The following FAM83G variants were observed in gnomAD, a reference collection of about 807,000 sequenced individuals.
The protein encoded by FAM83G is scaffolding CK1 anchoring protein G, also known as protein FAM83G.
Under a neutral mutation model 61.5 loss-of-function variants are expected in FAM83G, and 38 were observed. The observed-to-expected ratio is 0.62, with a 90% CI of 0.48 to 0.81. The LOEUF (loss-of-function observed/expected upper bound fraction) is 0.81. Ranked by LOEUF, FAM83G falls within the 30% of genes least tolerant of loss-of-function variation. FAM83G has a pLI of 0.00. For synonymous variants in FAM83G, 470 were observed against 476.1 expected (o/e 0.99, Z 0.17); for missense variants, 989 against 1,133.6 (o/e 0.87, Z 1.83).
In FAM83G at chr17:18,969,361, C is replaced by G. The variant is rs2042781144; in HGVS notation, c.*1998G>C. 6.2e-7 allele frequency: 1 copy of G among 1,613,640 alleles called. No individual in the cohort carries two copies. Among genetic ancestry groups the G allele is most frequent in the Non-Finnish European group, 8.5e-7 (1 of 1,180,016 alleles). On this transcript the variant is annotated 3_prime_UTR_variant, in exon 6 of 6. Coordinates refer to ENST00000388995, the MANE Select transcript of FAM83G (RefSeq NM_001039999.3). ...TGGCAGGGGGCCTGGCTGCTGTAAT[C>G]TACACGGACGCCCTGCAGACGCTCA...
In FAM83G at chr17:19,004,084, A is replaced by AGGTCCAGCTCCTAGCTCC. The variant is rs1422300680; in HGVS notation, c.-61_-44dup. The AGGTCCAGCTCCTAGCTCC allele has an allele frequency of 1.3e-6, 2 of 1,547,268 alleles. No individual in the cohort carries two copies. The highest frequency in any genetic ancestry group is 3.8e-5 in the Admixed American group (2 of 52,504). On this transcript the variant is annotated 5_prime_UTR_variant, in exon 2 of 6. Transcript: ENST00000388995. The surrounding 1 kb of genome is among the most constrained non-coding windows in gnomAD (Gnocchi z 5.4). Reference sequence around the variant, plus strand: ...CACTGCTGCCGGGGGTGGGTGGGCAAGGTCCAGCTCCTAGCTCCGGCCCAG... The same window carrying AGGTCCAGCTCCTAGCTCC: ...CACTGCTGCCGGGGGTGGGTGGGCAAGGTCCAGCTCCTAGCTCCGGTCCAGCTCCTAGCTCCGGCCCAG...
chr17:18,974,194 T>G (rs1223384921), intron 5 of FAM83G, among the ~76,000 whole-genome samples: 1 of 151,974 alleles, frequency 6.6e-6, no homozygotes, highest in African/African-American at 2.4e-5. Flanking sequence ...CCCAGCCAAT[T>G]TTTGTATTTT....
Position 18,971,378 on chromosome 17 carries a change from CG to C in FAM83G, c.2452del (p.Arg818GlyfsTer64), listed in dbSNP as rs759298716. 6.2e-7 allele frequency: 1 copy of C among 1,600,136 alleles called. No individual in the cohort carries two copies. Among genetic ancestry groups the C allele is most frequent in the Non-Finnish European group, 8.5e-7 (1 of 1,175,418 alleles). ...ATGCTGCTAGGGGTCTTTGCGGTCC[CG>C]GGGGGCTTGAGCCCTCCGTTTAGAA... ...SDSKRRAQAP[R>X]DRKDP On this transcript the variant is annotated frameshift_variant, in exon 6 of 6. Coordinates refer to ENST00000388995, the MANE Select transcript of FAM83G (RefSeq NM_001039999.3). LOFTEE classifies it high-confidence loss of function. The surrounding 1 kb of genome is among the most constrained non-coding windows in gnomAD (Gnocchi z 5.5).
At chr17:18,973,987 G>C (rs951593477) in intron 5 of FAM83G, among the ~76,000 whole-genome samples, 1 of 151,238 alleles carries the variant, frequency 6.6e-6, no homozygotes, top group Non-Finnish European at 1.5e-5. Context: ...CCGCCTCCTG[G>C]GTTTGAGCAA....
chr17:18,993,928 A>G (rs2043496696), intron 2 of FAM83G, among the ~76,000 whole-genome samples: 2 of 152,132 alleles, frequency 1.3e-5, no homozygotes, highest in African/African-American at 2.4e-5. Flanking sequence ...CTAGCAGGGG[A>G]TCCACAAACG....
At chr17:18,983,255 T>C (rs2043183669) in intron 3 of FAM83G, among the ~76,000 whole-genome samples, 1 of 152,172 alleles carries the variant, frequency 6.6e-6, no homozygotes, top group South Asian at 2.1e-4. Context: ...TCTCCTTTAA[T>C]TTCACCCTCA....
At chr17:18,983,755 G>A (rs1462769376) in intron 3 of FAM83G, among the ~76,000 whole-genome samples, 1 of 152,182 alleles carries the variant, frequency 6.6e-6, no homozygotes, top group Non-Finnish European at 1.5e-5. Flanking sequence ...AGGCTGTTGT[G>A]AAGTTGGGGT....
rs777562534 is a variant in FAM83G at position 19,004,044 on chromosome 17, C to G, written c.-3G>C. On this transcript the variant is annotated 5_prime_UTR_variant, in exon 2 of 6. Transcript: ENST00000388995. The surrounding 1 kb of genome is among the most constrained non-coding windows in gnomAD (Gnocchi z 5.4). ...CACTGCACCTGAGAGAAGGCCATGG[C>G]GCCGCCTGCCCGGGCACTGCTGCCG... 6.3e-7 allele frequency: 1 copy of G among 1,578,632 alleles called. No homozygotes were observed. Among genetic ancestry groups the G allele is most frequent in the South Asian group, 1.2e-5 (1 of 86,640 alleles).
Position 18,996,618 on chromosome 17 carries a change from G to A in FAM83G, c.522+6902C>T, listed in dbSNP as rs948183466. Reference sequence around the variant, plus strand: ...TACTTGGTAACAAATGCTGACCCCAGCCAGAGCAAGGATAATTAGGCCAAC... The same window carrying A: ...TACTTGGTAACAAATGCTGACCCCAACCAGAGCAAGGATAATTAGGCCAAC... On this transcript the variant is annotated intron_variant, in intron 2 of 5. Coordinates refer to ENST00000388995, the MANE Select transcript of FAM83G (RefSeq NM_001039999.3). This position sits in a 1 kb window ranked among gnomAD's most constrained non-coding sequence, Gnocchi z 4.4. Among the ~76,000 whole-genome samples the A allele has an allele frequency of 6.6e-6, 1 of 152,108 alleles. No individual in the cohort carries two copies. The highest frequency in any genetic ancestry group is 2.4e-5 in the African/African-American group (1 of 41,412).
upstream of FAM83G, among the ~76,000 whole-genome samples, chr17:19,005,220 T>C (rs1026677363): frequency 1.3e-5 from 2 of 152,176 alleles, no homozygotes; most frequent in African/African-American, 4.8e-5. Context: ...CTCAGGGCTT[T>C]CCTGAGCAGA....
chr17:19,005,286 T>G (rs1011849609), upstream of FAM83G, among the ~76,000 whole-genome samples: 5 of 152,156 alleles, frequency 3.3e-5, no homozygotes, highest in African/African-American at 1.2e-4. Flanking sequence ...CCCGGACTGC[T>G]TCTGCGTGGC....
upstream of FAM83G, among the ~76,000 whole-genome samples, chr17:19,006,010 C>A (rs2043879970): frequency 1.3e-5 from 2 of 152,202 alleles, no homozygotes; most frequent in South Asian, 4.1e-4. Flanking sequence ...CAGCTTCTCC[C>A]TGTGTTCTTA....
At chr17:18,972,521 C>T (rs984809974) in intron 5 of FAM83G, among the ~76,000 whole-genome samples, 2 of 152,174 alleles carry the variant, frequency 1.3e-5, no homozygotes, top group African/African-American at 4.8e-5. Context: ...CCAAGCAGCA[C>T]GGGCTCCATC....
At chr17:18,991,258 T>C (rs1022480391) in intron 2 of FAM83G, among the ~76,000 whole-genome samples, 2 of 152,098 alleles carry the variant, frequency 1.3e-5, no homozygotes, top group African/African-American at 4.8e-5. Flanking sequence ...TTTTATCAAC[T>C]GAGAACAAGA....
chr17:18,980,800 C>G (rs575830500), intron 3 of FAM83G, among the ~76,000 whole-genome samples: 6 of 152,270 alleles, frequency 3.9e-5, no homozygotes, highest in African/African-American at 1.4e-4. Context: ...GTAAGAAATG[C>G]TCCTGGGTGC....
intron 5 of FAM83G, chr17:18,976,849 C>T: frequency 1.2e-6 from 2 of 1,613,198 alleles, no homozygotes; most frequent in Non-Finnish European, 1.7e-6. Context: ...GCACTCCACC[C>T]CCAGGTCATC....
intron 2 of FAM83G, among the ~76,000 whole-genome samples, chr17:18,997,476 G>A (rs900074811): frequency 1.3e-5 from 2 of 152,202 alleles, no homozygotes; most frequent in African/African-American, 4.8e-5. Context: ...GGCAGCAAAC[G>A]GCACCAGCTG....
In FAM83G at chr17:18,977,817, CT is replaced by C; in HGVS notation, c.1848del (p.Glu617ArgfsTer6). On this transcript the variant is annotated frameshift_variant, in exon 5 of 6. Transcript: ENST00000388995. LOFTEE classifies it high-confidence loss of function. ...PRRPSVASSV[S>X]EEYFEVREHS... is the part of the protein sequence containing the mutation. ...TGCTCTCTCACCTCGAAGTACTCCT[CT>C]GACACAGAGGAAGCCACTGAGGGCC... 6.2e-7 allele frequency: 1 copy of C among 1,608,282 alleles called. No homozygotes were observed.
chr17:18,988,101 C>T (rs1459237416), intron 3 of FAM83G, 146 bp downstream of exon 3: 2 of 1,260,318 alleles, frequency 1.6e-6, no homozygotes, highest in Admixed American at 5.4e-5. Context: ...GGCTATGTGA[C>T]TGCTTGGCAG....
Sources: gnomAD v4.1 joint callset for allele counts (sites outside exome capture counted in the v4.1 genomes callset) on GRCh38, gnomAD v4.1.1 for gene constraint, Gnocchi (gnomAD v3.1) non-coding constraint, MANE v1.5 for transcripts, NCBI Gene and HGNC (gene_info 2026-07-23, HGNC 2026-07-21) for gene names.